The following DNAJB11 variants were observed in gnomAD, a reference collection of about 807,000 sequenced individuals.
The protein encoded by DNAJB11 is dnaJ homolog subfamily B member 11.
A neutral mutation model predicts 47.2 loss-of-function variants in DNAJB11; 30 were observed. The observed-to-expected ratio is 0.64, with a 90% CI of 0.48 to 0.86. DNAJB11 has a LOEUF of 0.86. Ranked by LOEUF, DNAJB11 falls within the 40% of genes least tolerant of loss-of-function variation. The probability of loss-of-function intolerance (pLI) is 0.00; values close to 1 mark genes in which losing one functional copy is unlikely to be tolerated. For synonymous variants in DNAJB11, 151 were observed against 159.9 expected, an observed-to-expected ratio of 0.94 and a Z score of 0.42; for missense variants, 357 against 440.2, an observed-to-expected ratio of 0.81 and a Z score of 1.69.
chr3:186,584,623 T>TGTGTGTGTG (rs1553850813), intron 9 of DNAJB11, 34 bp downstream of exon 9: 14 of 364,496 alleles, frequency 3.8e-5, no homozygotes, highest in Admixed American at 1.2e-4. Flanking sequence ...GTGTGTGTGT[T>TGTGTGTGTG]TGTGTGTGTG....
At chr3:186,575,368 C>CGCGCGCGCGTGT (rs1406330956) in intron 2 of DNAJB11, among the ~76,000 whole-genome samples, 5 of 143,358 alleles carry the variant, frequency 3.5e-5, no homozygotes, top group Admixed American at 2.1e-4. Context: ...CGCGCGCGCG[C>CGCGCGCGCGTGT]GTGTGTGTGT....
chr3:186,577,910 T>A, intron 4 of DNAJB11, 110 bp downstream of exon 4: 1 of 884,822 alleles, frequency 1.1e-6, no homozygotes, highest in Non-Finnish European at 1.7e-6. Flanking sequence ...TAAGAGAGAG[T>A]GATCAAATGC....
At chr3:186,574,579 A>G (rs1041274082) in intron 2 of DNAJB11, among the ~76,000 whole-genome samples, 4 of 151,584 alleles carry the variant, frequency 2.6e-5, no homozygotes, top group Non-Finnish European at 5.9e-5. Flanking sequence ...TTTCTTTCAT[A>G]GTGGCTGTAA....
At chr3:186,582,155 C>T in intron 6 of DNAJB11, 78 bp downstream of exon 6, 1 of 1,060,958 alleles carries the variant, frequency 9.4e-7, no homozygotes, top group Non-Finnish European at 1.4e-6. Context: ...TTCACCCCTG[C>T]CTTACTCCAT....
Position 186,577,709 on chromosome 3 carries a change from G to C in DNAJB11, c.365G>C (p.Arg122Pro). The C allele has an allele frequency of 6.2e-7, 1 of 1,604,292 alleles. No homozygotes were observed. Among genetic ancestry groups the C allele is most frequent in the Non-Finnish European group, 8.5e-7 (1 of 1,175,664 alleles). Residue 122 changes from arginine (R) to proline (P), a missense_variant, in exon 4 of 10, where the codon CGT becomes CCT. Transcript: ENST00000265028. ...GGTTTCATGTTTGGAGGAACCCCTC[G>C]TCAGCAAGACAGAAATATTCCAAGA... ...DFGFMFGGTP[R>P]QQDRNIPRGS... is the part of the protein sequence containing the mutation.
At chr3:186,582,573 T>TA (rs1715521372) in intron 6 of DNAJB11, 143 bp from the exon 7 acceptor site, 3 of 665,736 alleles carry the variant, frequency 4.5e-6, no homozygotes, top group Non-Finnish European at 8.0e-6. Flanking sequence ...TGAAACTTGA[T>TA]ACAACCAGGC....
At chr3:186,571,546 TAGAC>T (rs1385323303) in intron 1 of DNAJB11, among the ~76,000 whole-genome samples, 5 of 152,324 alleles carry the variant, frequency 3.3e-5, no homozygotes, top group Admixed American at 3.3e-4. Context: ...AGAAGATCTT[TAGAC>T]AGCCCTTGTA....
chr3:186,582,789 T>G lies in DNAJB11; in HGVS notation c.740+16T>G. On this transcript the variant is annotated intron_variant, in intron 7 of 9. Coordinates refer to ENST00000265028, the MANE Select transcript of DNAJB11 (RefSeq NM_016306.6). ...AAGTTGTCAAGTAAGTAATCTAATT[T>G]TAGAGGTCTTCTCAGATGAGTCAAA... 1 of 1,557,780 alleles carries G rather than the reference T, an allele frequency of 6.4e-7. No homozygotes were observed. Among genetic ancestry groups the G allele is most frequent in the Non-Finnish European group, 8.7e-7 (1 of 1,145,810 alleles).
At chr3:186,579,059 C>T (rs1203108352) in intron 4 of DNAJB11, 1 of 152,116 alleles carries the variant, frequency 6.6e-6, no homozygotes, top group Non-Finnish European at 1.5e-5. Flanking sequence ...AGCCACTGCA[C>T]TCTAGCCTGG....
intron 1 of DNAJB11, 44 bp from the exon 2 acceptor site, chr3:186,572,051 A>T (rs893511129): frequency 2.0e-6 from 3 of 1,468,714 alleles, no homozygotes; most frequent in Non-Finnish European, 2.7e-6. Flanking sequence ...GAAAAATGTA[A>T]CATGTAACTC....
At chr3:186,575,450 G>T (rs1409229193) in intron 2 of DNAJB11, among the ~76,000 whole-genome samples, 1 of 151,964 alleles carries the variant, frequency 6.6e-6, no homozygotes, top group African/African-American at 2.4e-5. Context: ...AAGTTGTTCT[G>T]AAGGCAGTAT....
intron 1 of DNAJB11, 42 bp downstream of exon 1, chr3:186,571,007 GCCTTT>G: frequency 1.3e-6 from 1 of 766,120 alleles, no homozygotes; most frequent in Non-Finnish European, 2.1e-6. Context: ...CTGTGGGTCA[GCCTTT>G]GCTGGGGGGT....
intron 9 of DNAJB11, among the ~76,000 whole-genome samples, chr3:186,584,937 C>G (rs1013471131): frequency 2.5e-4 from 38 of 152,008 alleles, no homozygotes; most frequent in African/African-American, 2.4e-5. Flanking sequence ...GGGTGCATGT[C>G]TAGGATGACT....
intron 2 of DNAJB11, among the ~76,000 whole-genome samples, chr3:186,573,387 T>C (rs370867237): frequency 4.4e-4 from 67 of 152,102 alleles, no homozygotes; most frequent in Middle Eastern, 3.4e-3. Flanking sequence ...GCAGAAATTC[T>C]TTTTTATTTT....
At chr3:186,576,936 G>T (rs918016352) in intron 3 of DNAJB11, among the ~76,000 whole-genome samples, 2 of 152,030 alleles carry the variant, frequency 1.3e-5, no homozygotes, top group Non-Finnish European at 2.9e-5. Flanking sequence ...TATCATCTTC[G>T]CTATGCTAAT....
At chr3:186,584,395 G>A (rs775933368) in intron 8 of DNAJB11, 35 bp from the exon 9 acceptor site, 69 of 1,509,054 alleles carry the variant, frequency 4.6e-5, no homozygotes, top group South Asian at 8.5e-5. Context: ...CAGATGTACC[G>A]CTCCTGCTGC....
chr3:186,573,633 C>T (rs753712931), intron 2 of DNAJB11, among the ~76,000 whole-genome samples: 2 of 152,118 alleles, frequency 1.3e-5, no homozygotes, highest in African/African-American at 2.4e-5. Flanking sequence ...GATCCACCCG[C>T]CTCGGCTTCC....
chr3:186,575,386 T>C (rs1715251969), intron 2 of DNAJB11, among the ~76,000 whole-genome samples: 1 of 151,756 alleles, frequency 6.6e-6, no homozygotes, highest in Non-Finnish European at 1.5e-5. Context: ...TGTGTGTGTG[T>C]GTGTGTCTGT....
intron 5 of DNAJB11, 145 bp downstream of exon 5, chr3:186,581,658 A>G: frequency 2.1e-6 from 2 of 974,906 alleles, no homozygotes; most frequent in East Asian, 5.5e-5. Context: ...AACAATGTAC[A>G]TTTTTTTCTG....
Sources: allele counts gnomAD v4.1 joint callset (sites outside exome capture counted in the v4.1 genomes callset), GRCh38; gene constraint gnomAD v4.1.1; transcripts MANE v1.5; gene names NCBI Gene and HGNC (gene_info 2026-07-23, HGNC 2026-07-21).